The following SATB1 variants were observed in gnomAD, a reference collection of about 807,000 sequenced individuals.
SATB1 encodes DNA-binding protein SATB1.
SATB1 carries 11 observed loss-of-function variants against 86.9 expected under a neutral mutation model. That is an observed-to-expected ratio of 0.13 (90% CI 0.08 to 0.21). SATB1 has a LOEUF of 0.21. Ranked by LOEUF, SATB1 falls within the 10% of genes least tolerant of loss-of-function variation. The probability of loss-of-function intolerance (pLI) is 1.00; values close to 1 mark genes in which losing one functional copy is unlikely to be tolerated. For synonymous variants in SATB1, 357 were observed against 357.2 expected (o/e 1.00, Z 0.01); for missense variants, 551 against 937.6 (o/e 0.59, Z 5.39).
upstream of SATB1, among the ~76,000 whole-genome samples, chr3:18,426,051 T>A (rs1698688462): frequency 6.6e-6 from 1 of 151,528 alleles, no homozygotes; most frequent in South Asian, 2.1e-4. This position sits in a 1 kb window ranked among gnomAD's most constrained non-coding sequence, Gnocchi z 4.2. Context: ...CGCTGAGGAA[T>A]GAGGTAGGGA....
chr3:18,409,172 C>T (rs1437624898), intron 5 of SATB1: 1 of 151,954 alleles, frequency 6.6e-6, no homozygotes, highest in African/African-American at 2.4e-5. Flanking sequence ...TTATGTTTTA[C>T]TATTGTGAAA....
At chr3:18,367,392 A>G (rs1424734870) in intron 9 of SATB1, among the ~76,000 whole-genome samples, 2 of 152,212 alleles carry the variant, frequency 1.3e-5, no homozygotes, top group Non-Finnish European at 2.9e-5. Flanking sequence ...ATTAAAAGGA[A>G]TCACTTTTCC....
At chr3:18,403,354 C>T (rs1444840016) in intron 5 of SATB1, among the ~76,000 whole-genome samples, 1 of 151,850 alleles carries the variant, frequency 6.6e-6, no homozygotes, top group Non-Finnish European at 1.5e-5. Context: ...CTCATGAATA[C>T]CCAAAAACAT....
upstream of SATB1, chr3:18,425,339 TGGC>T (rs772437246): frequency 2.6e-4 from 38 of 148,192 alleles, no homozygotes; most frequent in Middle Eastern, 3.1e-3. Context: ...AGCGAGAAAG[TGGC>T]GGCGGCGGCG....
intron 1 of SATB1, chr3:18,445,300 C>G: frequency 1.0e-6 from 1 of 985,522 alleles, no homozygotes; most frequent in Non-Finnish European, 1.2e-6. Context: ...CCGCCGCCGC[C>G]GCCGCCGCTG....
At chr3:18,357,365 T>C (rs947716381) in intron 9 of SATB1, among the ~76,000 whole-genome samples, 1 of 151,912 alleles carries the variant, frequency 6.6e-6, no homozygotes, top group Non-Finnish European at 1.5e-5. Context: ...AAATTCAGTA[T>C]TGTAGACTAA....
intron 7 of SATB1, among the ~76,000 whole-genome samples, chr3:18,389,829 C>T (rs543413281): frequency 2.6e-5 from 4 of 152,172 alleles, no homozygotes; most frequent in African/African-American, 9.6e-5. Context: ...AGGAAGTTAC[C>T]AGTACCTCAT....
At chr3:18,373,852 AT>A (rs1559410491) in intron 9 of SATB1, among the ~76,000 whole-genome samples, 1 of 152,112 alleles carries the variant, frequency 6.6e-6, no homozygotes. Context: ...ATTTTTTTGT[AT>A]TAAAAACATA....
At chr3:18,361,079 A>AACTG (rs147083877) in intron 9 of SATB1, among the ~76,000 whole-genome samples, 4,408 of 152,206 alleles carry the variant, frequency 0.029, 189 homozygotes, top group African/African-American at 0.1. Context: ...GTTGCTTTTG[A>AACTG]ACTGTCTATG....
chr3:18,427,715 C>T (rs1698754659), upstream of SATB1, among the ~76,000 whole-genome samples: 1 of 152,110 alleles, frequency 6.6e-6, no homozygotes, highest in South Asian at 2.1e-4. Context: ...AGTCACAAAT[C>T]TATTCAAAAA....
chr3:18,393,062 G>A (rs1293564083), intron 7 of SATB1, among the ~76,000 whole-genome samples: 6 of 151,392 alleles, frequency 4.0e-5, no homozygotes, highest in Non-Finnish European at 7.4e-5. Context: ...GTTAAGGCAC[G>A]CCAAAAATAA....
chr3:18,347,603 T>G lies in SATB1; in HGVS notation c.*1567A>C, dbSNP rs1694121939. 1 of 152,186 alleles carries G rather than the reference T, an allele frequency of 6.6e-6. No individual in the cohort carries two copies. The highest frequency in any genetic ancestry group is 2.1e-4 in the South Asian group (1 of 4,828). 9.4% of individuals were successfully genotyped at this position (152,186 alleles called of 1,614,324 possible). On this transcript the variant is annotated 3_prime_UTR_variant, in exon 11 of 11. Transcript: ENST00000338745. ...TATACATTAGCTTAAGGAAAAGCAT[T>G]GCTATAAATGAAGTATTGTGAAATA...
chr3:18,376,536 G>A (rs1695763985), intron 9 of SATB1, among the ~76,000 whole-genome samples: 2 of 148,938 alleles, frequency 1.3e-5, no homozygotes, highest in South Asian at 4.5e-4. Context: ...ATCATAATTA[G>A]GCTAAAGAGC....
In SATB1 at chr3:18,411,196, T is replaced by A. The variant is rs1255637102; in HGVS notation, c.639+3915A>T. ...CACTTTATATGACTTGGCTTAAAGA[T>A]ATCTTTTCCAGGTGAGAAATAAGAT... On this transcript the variant is annotated intron_variant, in intron 5 of 10. Coordinates refer to ENST00000338745, the MANE Select transcript of SATB1 (RefSeq NM_002971.6). 19 of 323,248 alleles carry A rather than the reference T, an allele frequency of 5.9e-5. No individual in the cohort carries two copies. In the South Asian group the frequency reaches 1.1e-3, roughly 19 times the overall value. The allele number at this position is 323,248 out of a possible 1,614,324, so 20.0% of individuals were successfully genotyped here. A position where few individuals can be genotyped will look rare whatever the true frequency, so the allele number is the denominator to read the frequency against.
intron 1 of SATB1, among the ~76,000 whole-genome samples, chr3:18,437,676 A>G (rs1699110528): frequency 6.6e-6 from 1 of 152,166 alleles, no homozygotes; most frequent in Non-Finnish European, 1.5e-5. Flanking sequence ...CCAAAGGGAA[A>G]TGCAACTCTA....
chr3:18,382,908 T>G (rs765455788), intron 8 of SATB1, among the ~76,000 whole-genome samples: 2 of 152,226 alleles, frequency 1.3e-5, no homozygotes, highest in African/African-American at 2.4e-5. Context: ...AGCAGAGGAT[T>G]TGAAAACTCT....
intron 5 of SATB1, among the ~76,000 whole-genome samples, chr3:18,403,539 A>G (rs943011206): frequency 6.6e-6 from 1 of 152,122 alleles, no homozygotes; most frequent in Non-Finnish European, 1.5e-5. Context: ...TTTATAATAC[A>G]TATCTGTTAT....
intron 5 of SATB1, among the ~76,000 whole-genome samples, chr3:18,401,596 C>A (rs1038835664): frequency 2.6e-5 from 4 of 152,050 alleles, no homozygotes; most frequent in African/African-American, 9.7e-5. Context: ...TAAAATAAAC[C>A]AACCGACAAA....
At chr3:18,376,810 T>C (rs1353453465) in intron 9 of SATB1, among the ~76,000 whole-genome samples, 1 of 152,192 alleles carries the variant, frequency 6.6e-6, no homozygotes, top group Admixed American at 6.5e-5. Context: ...GCCTGATGTA[T>C]GACACGCTGA....
Sources: allele counts gnomAD v4.1 joint callset (sites outside exome capture counted in the v4.1 genomes callset), GRCh38; gene constraint gnomAD v4.1.1; non-coding constraint Gnocchi (gnomAD v3.1); transcripts MANE v1.5; gene names NCBI Gene and HGNC (gene_info 2026-07-23, HGNC 2026-07-21).